Variants in YAP1 observed in about 807,000 individuals in gnomAD.
The protein encoded by YAP1 is transcriptional coactivator YAP1.
In YAP1, 5 loss-of-function variants were observed where a neutral mutation model predicts 56.9. The ratio of observed to expected loss-of-function variants is 0.09; its 90% CI spans 0.05 to 0.18. The LOEUF (loss-of-function observed/expected upper bound fraction) is 0.18, where lower values mean the gene tolerates loss of function less well. Among genes scored for constraint, YAP1 ranks in the 10% least tolerant of loss-of-function variants. YAP1 has a pLI of 1.00. For synonymous variants in YAP1, 265 were observed against 248.1 expected (o/e 1.07, Z -0.64); for missense variants, 539 against 651.8 (o/e 0.83, Z 1.88).
chr11:102,216,267 C>G (rs1388242993), intron 6 of YAP1, among the ~76,000 whole-genome samples: 1 of 151,928 alleles, frequency 6.6e-6, no homozygotes, highest in East Asian at 1.9e-4. Context: ...AGTGAAGTTA[C>G]CATAGGAAAC....
chr11:102,208,480 GT>G (rs1357823271), intron 5 of YAP1, among the ~76,000 whole-genome samples: 1 of 152,006 alleles, frequency 6.6e-6, no homozygotes, highest in Non-Finnish European at 1.5e-5. Context: ...TGAAAGAAAT[GT>G]TTCTTTATCT....
chr11:102,127,362 C>T (rs2065007138), intron 2 of YAP1, among the ~76,000 whole-genome samples: 1 of 152,178 alleles, frequency 6.6e-6, no homozygotes, highest in Non-Finnish European at 1.5e-5. Flanking sequence ...GACTTGGTGC[C>T]CTGTGTCTCA....
At chr11:102,160,631 G>A (rs1411384052) in intron 2 of YAP1, among the ~76,000 whole-genome samples, 2 of 152,188 alleles carry the variant, frequency 1.3e-5, no homozygotes, top group Non-Finnish European at 2.9e-5. Context: ...GTAAGATGGA[G>A]TGACAAGAAC....
chr11:102,197,602 T>C (rs1407338795), intron 4 of YAP1, among the ~76,000 whole-genome samples: 1 of 152,216 alleles, frequency 6.6e-6, no homozygotes, highest in Non-Finnish European at 1.5e-5. Flanking sequence ...TTTTCTACCA[T>C]AAAGCTGTCA....
intron 3 of YAP1, among the ~76,000 whole-genome samples, chr11:102,183,740 T>TGTGTGTGTGTGTGTG: frequency 1.2e-5 from 1 of 81,658 alleles, no homozygotes; most frequent in African/African-American, 4.7e-5. Flanking sequence ...GTGTGTGTGT[T>TGTGTGTGTGTGTGTG]TAAACCACAT....
At chr11:102,201,670 A>C (rs1375856693) in intron 4 of YAP1, among the ~76,000 whole-genome samples, 1 of 152,188 alleles carries the variant, frequency 6.6e-6, no homozygotes, top group East Asian at 1.9e-4. Flanking sequence ...AATACATATT[A>C]ATGTTGTTAG....
Position 102,231,662 on chromosome 11 carries a change from T to C in YAP1, c.*1722T>C, listed in dbSNP as rs1002565775. 3 of 152,608 alleles carry C rather than the reference T, an allele frequency of 2.0e-5. No individual in the cohort carries two copies. Among genetic ancestry groups the C allele is most frequent in the African/African-American group, 4.8e-5 (2 of 41,454 alleles). The allele number at this position is 152,608 out of a possible 1,614,324, so 9.5% of individuals were successfully genotyped here. ...TGAATTAACTCTTCAATATAAGCTA[T>C]GAAGTAATAGTTGGTTGTGAATTAA... is the stretch of plus-strand genomic sequence containing the variant. On this transcript the variant is annotated 3_prime_UTR_variant, in exon 9 of 9. Transcript: ENST00000282441.
intron 3 of YAP1, among the ~76,000 whole-genome samples, chr11:102,163,720 G>A (rs1946431776): frequency 1.3e-5 from 2 of 152,172 alleles, no homozygotes; most frequent in Admixed American, 1.3e-4. Context: ...GTTGTGGTTG[G>A]GTGGGAAGGG....
At chr11:102,192,386 T>TA (rs1948339827) in intron 4 of YAP1, among the ~76,000 whole-genome samples, 1 of 152,246 alleles carries the variant, frequency 6.6e-6, no homozygotes, top group African/African-American at 2.4e-5. Flanking sequence ...GAAAAATAGT[T>TA]ATGTCATTGC....
chr11:102,136,031 C>G (rs183746834), intron 2 of YAP1, among the ~76,000 whole-genome samples: 1 of 152,280 alleles, frequency 6.6e-6, no homozygotes, highest in East Asian at 1.9e-4. Flanking sequence ...GCAAGGATTT[C>G]TCTGTGTACA....
intron 2 of YAP1, among the ~76,000 whole-genome samples, chr11:102,142,345 A>G (rs1048383216): frequency 3.3e-5 from 5 of 152,224 alleles, no homozygotes; most frequent in Admixed American, 2.6e-4. Flanking sequence ...ATTTTAAGCA[A>G]TATTTGTCCT....
intron 2 of YAP1, among the ~76,000 whole-genome samples, chr11:102,154,663 C>T (rs1591254798): frequency 6.6e-6 from 1 of 152,226 alleles, no homozygotes; most frequent in East Asian, 1.9e-4. Flanking sequence ...TGGTAAGCCA[C>T]CTTAATATCT....
chr11:102,190,083 G>A (rs1948192975), intron 4 of YAP1, among the ~76,000 whole-genome samples: 1 of 152,226 alleles, frequency 6.6e-6, no homozygotes, highest in African/African-American at 2.4e-5. Flanking sequence ...GGAGTCTTGA[G>A]CAAAGAGAAT....
intron 2 of YAP1, among the ~76,000 whole-genome samples, chr11:102,139,846 T>C (rs1258035983): frequency 1.3e-5 from 2 of 152,184 alleles, no homozygotes; most frequent in African/African-American, 4.8e-5. Flanking sequence ...GAAAACATCA[T>C]TTATTTTTGT....
At chr11:102,170,001 T>G (rs1306867795) in intron 3 of YAP1, among the ~76,000 whole-genome samples, 1 of 152,262 alleles carries the variant, frequency 6.6e-6, no homozygotes, top group Non-Finnish European at 1.5e-5. Flanking sequence ...TGGCATTAGC[T>G]TGTAATTATT....
intron 5 of YAP1, among the ~76,000 whole-genome samples, chr11:102,208,542 A>G (rs1740461830): frequency 6.6e-6 from 1 of 152,222 alleles, no homozygotes; most frequent in South Asian, 2.1e-4. Flanking sequence ...CTGACTTTCT[A>G]ACAAATTACC....
At chr11:102,150,115 G>T (rs1477455280) in intron 2 of YAP1, among the ~76,000 whole-genome samples, 1 of 150,042 alleles carries the variant, frequency 6.7e-6, no homozygotes, top group Non-Finnish European at 1.5e-5. Context: ...CTCCTGATTA[G>T]CTGGGATTAC....
At chr11:102,173,405 T>C (rs1021996584) in intron 3 of YAP1, among the ~76,000 whole-genome samples, 4 of 152,218 alleles carry the variant, frequency 2.6e-5, no homozygotes, top group Admixed American at 2.0e-4. Context: ...TATTATCTGA[T>C]CATTTGAATT....
At chr11:102,205,007 C>A (rs556977013) in intron 4 of YAP1, among the ~76,000 whole-genome samples, 34 of 152,186 alleles carry the variant, frequency 2.2e-4, no homozygotes, top group Non-Finnish European at 4.6e-4. Context: ...GTTTATTATT[C>A]TTACTAACAT....
Sources: gnomAD v4.1 joint callset for allele counts (sites outside exome capture counted in the v4.1 genomes callset) on GRCh38, gnomAD v4.1.1 for gene constraint, MANE v1.5 for transcripts, NCBI Gene and HGNC (gene_info 2026-07-23, HGNC 2026-07-21) for gene names.